The following SSH2 variants were observed in gnomAD, a reference collection of about 807,000 sequenced individuals.
The protein encoded by SSH2 is protein phosphatase Slingshot homolog 2.
SSH2 carries 37 observed loss-of-function variants against 135.2 expected under a neutral mutation model. That is an observed-to-expected ratio of 0.27 (90% CI 0.21 to 0.36). The LOEUF is 0.36. Among genes scored for constraint, SSH2 ranks in the 10% least tolerant of loss-of-function variants. SSH2 has a pLI of 1.00. For missense variants in SSH2, 1,408 were observed against 1,765.3 expected, an observed-to-expected ratio of 0.80 and a Z score of 3.63; for synonymous variants, 628 against 646.2, an observed-to-expected ratio of 0.97 and a Z score of 0.43.
chr17:29,726,807 G>C (rs374319448), intron 3 of SSH2, among the ~76,000 whole-genome samples: 14 of 152,246 alleles, frequency 9.2e-5, no homozygotes, highest in East Asian at 7.7e-4. Flanking sequence ...GGTCAAAAAA[G>C]GTCTATTTAC....
chr17:29,863,340 CT>C (rs1567616607), intron 1 of SSH2: 1 of 152,260 alleles, frequency 6.6e-6, no homozygotes, highest in Admixed American at 6.5e-5. Context: ...CAGTCCAGTA[CT>C]CAGGCTAACA....
intron 1 of SSH2, among the ~76,000 whole-genome samples, chr17:29,882,181 G>C (rs1275689398): frequency 6.6e-6 from 1 of 152,158 alleles, no homozygotes; most frequent in African/African-American, 2.4e-5. Context: ...GCATATTACT[G>C]ATGGAAGTGT....
At chr17:29,914,115 GTATATCT>G (rs1308665043) in intron 1 of SSH2, among the ~76,000 whole-genome samples, 4 of 152,116 alleles carry the variant, frequency 2.6e-5, no homozygotes, top group Admixed American at 6.5e-5. Context: ...TCTTACAAGT[GTATATCT>G]TATATCTTAT....
chr17:29,771,527 C>T (rs547571043), intron 3 of SSH2, among the ~76,000 whole-genome samples: 1 of 152,308 alleles, frequency 6.6e-6, no homozygotes, highest in Admixed American at 6.5e-5. Flanking sequence ...CACTGCCTCA[C>T]TAAATAAGGA....
chr17:29,896,471 G>A (rs1396955249), intron 1 of SSH2, among the ~76,000 whole-genome samples: 2 of 148,952 alleles, frequency 1.3e-5, no homozygotes, highest in Non-Finnish European at 3.0e-5. Flanking sequence ...TAGCTTATAT[G>A]CAAATACTAT....
At chr17:29,868,481 T>C (rs2065889732) in intron 1 of SSH2, among the ~76,000 whole-genome samples, 1 of 152,172 alleles carries the variant, frequency 6.6e-6, no homozygotes, top group Non-Finnish European at 1.5e-5. Context: ...CTCATGCCTG[T>C]AATCCTAGCA....
intron 12 of SSH2, among the ~76,000 whole-genome samples, chr17:29,651,353 T>C (rs2036571183): frequency 6.6e-6 from 1 of 152,210 alleles, no homozygotes; most frequent in Non-Finnish European, 1.5e-5. Context: ...AGGACAGAAC[T>C]GGAAGGGTCA....
At chr17:29,878,911 G>A (rs552872136) in intron 1 of SSH2, among the ~76,000 whole-genome samples, 1 of 152,286 alleles carries the variant, frequency 6.6e-6, no homozygotes, top group East Asian at 1.9e-4. Flanking sequence ...AACAGAAAAA[G>A]TCTGGTTTAA....
chr17:29,929,831 C>T (rs1417007789), intron 1 of SSH2, 107 bp downstream of exon 1: 1 of 1,092,950 alleles, frequency 9.1e-7, no homozygotes, highest in South Asian at 1.4e-5. Flanking sequence ...GTGCCAAGGC[C>T]TGGGAAGCGG....
intron 1 of SSH2, among the ~76,000 whole-genome samples, chr17:29,904,743 T>C (rs1478536831): frequency 2.6e-5 from 4 of 152,208 alleles, no homozygotes; most frequent in Non-Finnish European, 5.9e-5. Context: ...ATCATATGTC[T>C]AGAAAACCCC....
At chr17:29,655,681 A>G (rs1401993819) in intron 11 of SSH2, 74 bp from the exon 12 acceptor site, 1 of 1,395,784 alleles carries the variant, frequency 7.2e-7, no homozygotes, top group Non-Finnish European at 1.0e-6. Flanking sequence ...GAGCGAGAGA[A>G]GAAGAACTTT....
At chr17:29,824,587 G>T (rs936625387) in intron 2 of SSH2, among the ~76,000 whole-genome samples, 3 of 152,176 alleles carry the variant, frequency 2.0e-5, no homozygotes, top group Non-Finnish European at 4.4e-5. Context: ...CAGGATTCAT[G>T]GGATAGGGCT....
intron 14 of SSH2, among the ~76,000 whole-genome samples, chr17:29,637,047 G>C (rs1288413402): frequency 6.6e-6 from 1 of 152,242 alleles, no homozygotes; most frequent in Non-Finnish European, 1.5e-5. Context: ...GTAACAGCCA[G>C]TGTTGATGAT....
intron 1 of SSH2, among the ~76,000 whole-genome samples, chr17:29,858,605 G>A (rs1161172469): frequency 1.3e-5 from 2 of 152,162 alleles, no homozygotes; most frequent in African/African-American, 4.8e-5. Context: ...AGGGCCACAT[G>A]TAGTGGCTCA....
chr17:29,677,270 G>A (rs748768612), intron 7 of SSH2, among the ~76,000 whole-genome samples: 3 of 151,300 alleles, frequency 2.0e-5, no homozygotes, highest in South Asian at 2.1e-4. Context: ...AACATTAGGA[G>A]GTAGGGTGGG....
intron 1 of SSH2, among the ~76,000 whole-genome samples, chr17:29,913,918 G>A (rs2066834364): frequency 6.6e-6 from 1 of 152,090 alleles, no homozygotes; most frequent in South Asian, 2.1e-4. Flanking sequence ...ACAGGCATGA[G>A]CCACCGCTCC....
intron 14 of SSH2, among the ~76,000 whole-genome samples, chr17:29,641,955 TA>T (rs1478797900): frequency 0.024 from 2,152 of 88,870 alleles, 20 homozygotes; most frequent in Middle Eastern, 0.051. Context: ...TTTTTTTTTT[TA>T]AAAAAAGAGG....
At chr17:29,907,898 G>C (rs942188778) in intron 1 of SSH2, among the ~76,000 whole-genome samples, 2 of 147,100 alleles carry the variant, frequency 1.4e-5, no homozygotes, top group Non-Finnish European at 3.0e-5. Flanking sequence ...ATGGCTCACT[G>C]CAGCCTTGAC....
chr17:29,725,452 T>G (rs1337021892), intron 3 of SSH2, among the ~76,000 whole-genome samples: 2 of 151,448 alleles, frequency 1.3e-5, no homozygotes. Flanking sequence ...TGCACATGTA[T>G]GTTTACTGCA....
Sources: allele counts gnomAD v4.1 joint callset (sites outside exome capture counted in the v4.1 genomes callset), GRCh38; gene constraint gnomAD v4.1.1; transcripts MANE v1.5; gene names NCBI Gene and HGNC (gene_info 2026-07-23, HGNC 2026-07-21).